Variants in ZFP69 observed in about 807,000 individuals in gnomAD.
ZFP69 encodes ZFP69 zinc finger protein, also known as zinc finger protein 69 homolog.
ZFP69 carries 35 observed loss-of-function variants against 48.9 expected under a neutral mutation model. The ratio of observed to expected loss-of-function variants is 0.72; its 90% confidence interval spans 0.55 to 0.95. The LOEUF (loss-of-function observed/expected upper bound fraction) is 0.95, where lower values mean the gene tolerates loss of function less well. ZFP69 is among the 40% of genes least tolerant of loss of function. The pLI is 0.00. For synonymous variants in ZFP69, 193 were observed against 216.8 expected, an observed-to-expected ratio of 0.89 and a Z score of 0.96; for missense variants, 557 against 638.4, an observed-to-expected ratio of 0.87 and a Z score of 1.37.
At chr1:40,494,337 C>T (rs1645601854) in intron 5 of ZFP69, among the ~76,000 whole-genome samples, 2 of 126,572 alleles carry the variant, frequency 1.6e-5, no homozygotes, top group Non-Finnish European at 3.2e-5. Flanking sequence ...GGCGGGATCT[C>T]GGCTCACTGC....
chr1:40,492,137 G>T (rs1005022405), intron 5 of ZFP69, among the ~76,000 whole-genome samples: 1 of 152,094 alleles, frequency 6.6e-6, no homozygotes, highest in African/African-American at 2.4e-5. Flanking sequence ...TACTAAAGAG[G>T]CTGAGGCAGG....
At chr1:40,493,366 A>G (rs1645588922) in intron 5 of ZFP69, 1 of 152,116 alleles carries the variant, frequency 6.6e-6, no homozygotes, top group African/African-American at 2.4e-5. Context: ...TCTCTTCCTC[A>G]ACTTACAATA....
intron 5 of ZFP69, among the ~76,000 whole-genome samples, chr1:40,492,175 C>T (rs1003871885): frequency 5.9e-5 from 9 of 152,146 alleles, no homozygotes; most frequent in Admixed American, 2.6e-4. Context: ...CTGTGCCCTG[C>T]TATCCTCCAT....
Position 40,489,156 on chromosome 1 carries a change from T to A in ZFP69, c.288T>A (p.Ala96=). 1.9e-6 allele frequency: 3 copies of A among 1,614,112 alleles called. No homozygotes were observed. The highest frequency in any genetic ancestry group is 2.5e-6 in the Non-Finnish European group (3 of 1,180,008). ...TQEEWGQLAP[A]HQNLYREVML... ...AAGAGTGGGGGCAGCTGGCTCCTGC[T>A]CACCAGAATCTATACCGAGAGGTGA... The change falls in exon 4 of 6, where the codon GCT becomes GCA. Residue 96 remains alanine, a synonymous_variant. Coordinates refer to ENST00000372706, the MANE Select transcript of ZFP69 (RefSeq NM_001320179.2).
At chr1:40,493,004 TC>T (rs1645584237) in intron 5 of ZFP69, among the ~76,000 whole-genome samples, 1 of 152,136 alleles carries the variant, frequency 6.6e-6, no homozygotes, top group African/African-American at 2.4e-5. Flanking sequence ...GGCGGGCAGA[TC>T]ACCTGAGGTC....
Position 40,495,893 on chromosome 1 carries a change from G to A in ZFP69, c.1415G>A (p.Cys472Tyr). Residue 472 changes from cysteine (C) to tyrosine (Y), a missense_variant, in exon 6 of 6, where the codon TGT becomes TAT. Physicochemically the swap from Cys to Tyr is radical, Grantham distance 194. Coordinates refer to ENST00000372706, the MANE Select transcript of ZFP69 (RefSeq NM_001320179.2). Reference protein sequence around the residue: ...TGVKAYECNRCGKAYRHDSSF... With the variant: ...TGVKAYECNRYGKAYRHDSSF... ...GTGAAAGCATATGAATGCAACCGCT[G>A]TGGAAAAGCCTATAGGCATGATTCA... 1 of 1,614,184 alleles carries A rather than the reference G, an allele frequency of 6.2e-7. No homozygotes were observed. Among genetic ancestry groups the A allele is most frequent in the Non-Finnish European group, 8.5e-7 (1 of 1,180,030 alleles).
chr1:40,479,863 A>T (rs1645426856), intron 2 of ZFP69, among the ~76,000 whole-genome samples: 1 of 152,288 alleles, frequency 6.6e-6, no homozygotes, highest in Middle Eastern at 3.4e-3. Context: ...CCCCAACCCA[A>T]TATTTATCAC....
intron 2 of ZFP69, among the ~76,000 whole-genome samples, chr1:40,480,267 A>ATT (rs61577884): frequency 1.4e-5 from 2 of 142,650 alleles, no homozygotes; most frequent in Admixed American, 7.0e-5. Flanking sequence ...TCTGGTTGTG[A>ATT]TTTTTTTTTT....
chr1:40,486,848 G>T (rs1367260109), intron 3 of ZFP69, among the ~76,000 whole-genome samples: 2 of 151,496 alleles, frequency 1.3e-5, no homozygotes, highest in East Asian at 1.9e-4. Flanking sequence ...TCTCATCATG[G>T]TCTAATCTAC....
At chr1:40,489,488 C>T in intron 4 of ZFP69, 41 bp from the exon 5 acceptor site, 1 of 1,552,848 alleles carries the variant, frequency 6.4e-7, no homozygotes, top group South Asian at 1.1e-5. Flanking sequence ...TCTTAGACAT[C>T]AGCATAAACA....
intron 5 of ZFP69, among the ~76,000 whole-genome samples, chr1:40,492,130 T>TAA (rs1197401606): frequency 1.3e-5 from 2 of 152,170 alleles, no homozygotes; most frequent in Non-Finnish European, 2.9e-5. Context: ...CCTCACCTAC[T>TAA]AAAGAGGCTG....
In ZFP69 at chr1:40,495,042, G is replaced by A. The variant is rs1645615077; in HGVS notation, c.564G>A (p.Leu188=). Residue 188 remains leucine, a synonymous_variant, in exon 6 of 6, where the codon TTG becomes TTA. Transcript: ENST00000372706. ...GGGATGATATAATTTATTCCACGTT[G>A]AGAAAAGTCTCCACATATGATGATG... The part of the protein sequence containing the change: ...FMRDDIIYST[L]RKVSTYDDVL... 1.2e-6 allele frequency: 2 copies of A among 1,613,880 alleles called. No homozygotes were observed. The highest frequency in any genetic ancestry group is 2.7e-5 in the African/African-American group (2 of 74,882).
chr1:40,494,718 ATATC>A (rs910154524), intron 5 of ZFP69, among the ~76,000 whole-genome samples, 199 bp from the exon 6 acceptor site: 1 of 133,104 alleles, frequency 7.5e-6, no homozygotes, highest in Non-Finnish European at 1.6e-5. Flanking sequence ...ATATAAATAT[ATATC>A]AAATATATAT....
chr1:40,487,945 G>A (rs573214648), intron 3 of ZFP69, among the ~76,000 whole-genome samples: 1 of 151,974 alleles, frequency 6.6e-6, no homozygotes, highest in African/African-American at 2.4e-5. Context: ...TACCTGGGAG[G>A]CTGAGGCAGG....
rs1491357934 is a variant in ZFP69 at position 40,484,881 on chromosome 1, TGC to T, written c.219+3028_219+3029del. Among the ~76,000 whole-genome samples, 5 of 113,554 alleles carry T rather than the reference TGC, an allele frequency of 4.4e-5. No individual in the cohort carries two copies. In the Admixed American group the frequency reaches 4.6e-4, roughly 10 times the overall value. The allele number at this position is 113,554 out of a possible 152,430, so 74.5% of individuals were successfully genotyped here. On this transcript the variant is annotated intron_variant, in intron 3 of 5. Transcript: ENST00000372706. ...CAGGCATGAGCCACTGCGCCTGGCCTGCTTTTTTTTTTTTTTTTTTTTTTTTT... is the reference window on the plus strand; with the variant it reads ...CAGGCATGAGCCACTGCGCCTGGCCTTTTTTTTTTTTTTTTTTTTTTTTTT...
At chr1:40,485,696 C>G (rs1645489384) in intron 3 of ZFP69, among the ~76,000 whole-genome samples, 1 of 152,014 alleles carries the variant, frequency 6.6e-6, no homozygotes, top group Non-Finnish European at 1.5e-5. Context: ...TTTTATTGAT[C>G]TAAACATTTC....
Position 40,495,328 on chromosome 1 carries a change from AT to A in ZFP69, c.852del (p.His285ThrfsTer6), listed in dbSNP as rs768206098. 4 of 1,614,048 alleles carry A rather than the reference AT, an allele frequency of 2.5e-6. No homozygotes were observed. The highest frequency in any genetic ancestry group is 1.3e-5 in the African/African-American group (1 of 74,950). On this transcript the variant is annotated frameshift_variant, in exon 6 of 6. Transcript: ENST00000372706. LOFTEE classifies it high-confidence loss of function. ...NICEKIFKQP[I>X]HLTEHMRIHT... ...ATGTGAAAAAATCTTCAAACAACCT[AT>A]TCACCTTACTGAACATATGAGAATT...
rs1200046779 is a variant in ZFP69, at chr1:40,477,901, A to G, written c.-327+7A>G. The G allele has an allele frequency of 6.6e-6, 1 of 152,606 alleles. No individual in the cohort carries two copies. Among genetic ancestry groups the G allele is most frequent in the Non-Finnish European group, 1.5e-5 (1 of 68,232 alleles). The allele number at this position is 152,606 out of a possible 1,614,324, so 9.5% of individuals were successfully genotyped here. A position where few individuals can be genotyped will look rare whatever the true frequency, so the allele number is the denominator to read the frequency against. On this transcript the variant is annotated splice_region_variant and intron_variant, in intron 1 of 5. Transcript: ENST00000372706. The surrounding 1 kb of genome is among the most constrained non-coding windows in gnomAD (Gnocchi z 4.0). ...TGGGTCCAAGGCCGATGTGGTGAGTAGGAGTCTGTGTGCAGTCTTTGAGTC... is the reference window on the plus strand; with the variant it reads ...TGGGTCCAAGGCCGATGTGGTGAGTGGGAGTCTGTGTGCAGTCTTTGAGTC...
At chr1:40,490,690 A>C (rs1645559313) in intron 5 of ZFP69, 1 of 152,118 alleles carries the variant, frequency 6.6e-6, no homozygotes, top group Non-Finnish European at 1.5e-5. Flanking sequence ...ATTTTCCTGC[A>C]CTCCATTTTT....
Sources: allele counts gnomAD v4.1 joint callset (sites outside exome capture counted in the v4.1 genomes callset), GRCh38; gene constraint gnomAD v4.1.1; non-coding constraint Gnocchi (gnomAD v3.1); transcripts MANE v1.5; gene names NCBI Gene and HGNC (gene_info 2026-07-23, HGNC 2026-07-21).